The following CNOT8 variants were observed in gnomAD, a reference collection of about 807,000 sequenced individuals.
CNOT8 encodes CCR4-NOT transcription complex subunit 8.
A neutral mutation model predicts 34.6 loss-of-function variants in CNOT8; 18 were observed. The ratio of observed to expected loss-of-function variants is 0.52; its 90% CI spans 0.36 to 0.77. CNOT8 has a LOEUF of 0.77. Among genes scored for constraint, CNOT8 ranks in the 30% least tolerant of loss-of-function variants. The pLI, the probability that CNOT8 is intolerant of heterozygous loss-of-function variation, is 0.00. For missense variants in CNOT8, 189 were observed against 347.9 expected (o/e 0.54, Z 3.63); for synonymous variants, 101 against 118.8 (o/e 0.85, Z 0.98).
At chr5:154,870,259 G>GT (rs956854767) in intron 3 of CNOT8, among the ~76,000 whole-genome samples, 15 of 147,462 alleles carry the variant, frequency 1.0e-4, no homozygotes, top group South Asian at 4.3e-4. Context: ...TGTTTGTTTT[G>GT]TTTTTTTTGA....
At chr5:154,870,144 A>C (rs911411893) in intron 3 of CNOT8, among the ~76,000 whole-genome samples, 1 of 152,056 alleles carries the variant, frequency 6.6e-6, no homozygotes, top group Non-Finnish European at 1.5e-5. Context: ...CTTGGCCTCA[A>C]ACAATCCTCT....
chr5:154,872,503 G>T (rs1428128316), intron 5 of CNOT8, 38 bp from the exon 6 acceptor site: 4 of 1,396,132 alleles, frequency 2.9e-6, no homozygotes, highest in African/African-American at 2.9e-5. Context: ...GGGCATGTTG[G>T]GTTTGTAATA....
intron 2 of CNOT8, among the ~76,000 whole-genome samples, chr5:154,864,969 G>A (rs1214995241): frequency 6.6e-6 from 1 of 152,156 alleles, no homozygotes; most frequent in African/African-American, 2.4e-5. Context: ...TTGCACCTGT[G>A]AGGTTGAGGC....
intron 6 of CNOT8, among the ~76,000 whole-genome samples, chr5:154,873,404 CT>C (rs1397552290): frequency 6.6e-6 from 1 of 152,242 alleles, no homozygotes; most frequent in East Asian, 1.9e-4. Flanking sequence ...CAGTTATTTG[CT>C]TTTTTTCTGA....
Position 154,870,769 on chromosome 5 carries a change from T to G in CNOT8, c.420T>G (p.Leu140=). ...GIDTLHFAEL[L]MTSGVVLCDN... Reference sequence around the variant, plus strand: ...ACACACTGCACTTTGCAGAGCTGCTTATGACATCAGGAGTGGTTCTCTGTG... The same window carrying G: ...ACACACTGCACTTTGCAGAGCTGCTGATGACATCAGGAGTGGTTCTCTGTG... The change falls in exon 4 of 7, where the codon CTT becomes CTG. Residue 140 remains leucine (L), a synonymous_variant. Coordinates refer to ENST00000285896, the MANE Select transcript of CNOT8 (RefSeq NM_001301073.2). 1.2e-6 allele frequency: 2 copies of G among 1,614,168 alleles called. No individual in the cohort carries two copies. Among genetic ancestry groups the G allele is most frequent in the Non-Finnish European group, 1.7e-6 (2 of 1,180,016 alleles).
rs34726467 is a variant in CNOT8 at position 154,869,626 on chromosome 5, G to GT, written c.312-1018dup. On this transcript the variant is annotated intron_variant, in intron 3 of 6. Transcript: ENST00000285896. ...GTCCGGCTAATTTTTGTTTTTTTGT[G>GT]TTTTTTTTTTTTTTTTTGAGAGGGA... Among the ~76,000 whole-genome samples, 450 of 124,308 alleles carry GT rather than the reference G, an allele frequency of 3.6e-3. 12 individuals carry two copies. The East Asian group carries it at 0.036, about 10-fold the overall frequency. 81.6% of individuals were successfully genotyped at this position (124,308 alleles called of 152,430 possible).
chr5:154,876,568 C>T lies in CNOT8; in HGVS notation c.*1129C>T, dbSNP rs188664482. 7 of 152,558 alleles carry T rather than the reference C, an allele frequency of 4.6e-5. No individual in the cohort carries two copies. Among genetic ancestry groups the T allele is most frequent in the African/African-American group, 1.7e-4 (7 of 41,494 alleles). The allele number at this position is 152,558 out of a possible 1,614,324, so 9.5% of individuals were successfully genotyped here. On this transcript the variant is annotated 3_prime_UTR_variant, in exon 7 of 7. Transcript: ENST00000285896. ...CATATTGTATTTTTTTGAATGACTA[C>T]AGTATGGACAATTTCAAAAACCAAA...
intron 1 of CNOT8, among the ~76,000 whole-genome samples, chr5:154,861,677 C>G (rs982948407): frequency 5.3e-5 from 8 of 152,128 alleles, no homozygotes; most frequent in Non-Finnish European, 7.4e-5. Flanking sequence ...GAAGTAAGTG[C>G]CTTTATGATA....
intron 4 of CNOT8, 34 bp from the exon 5 acceptor site, chr5:154,871,696 G>A (rs752911422): frequency 6.2e-7 from 1 of 1,605,304 alleles, no homozygotes; most frequent in South Asian, 1.1e-5. Context: ...GATAACCACT[G>A]CTTTTTTAAC....
chr5:154,860,841 GA>G (rs1561674861), intron 1 of CNOT8, among the ~76,000 whole-genome samples: 2 of 152,142 alleles, frequency 1.3e-5, no homozygotes, highest in African/African-American at 4.8e-5. Context: ...ATATATGCCA[GA>G]TATGTATAAC....
intron 3 of CNOT8, 173 bp from the exon 4 acceptor site, chr5:154,870,488 A>G (rs1762389412): frequency 4.1e-6 from 2 of 490,150 alleles, no homozygotes; most frequent in Non-Finnish European, 7.1e-6. Flanking sequence ...TGTCACAGAA[A>G]TATGATCTAC....
At chr5:154,866,233 C>T (rs1455841325) in intron 3 of CNOT8, among the ~76,000 whole-genome samples, 1 of 152,136 alleles carries the variant, frequency 6.6e-6, no homozygotes, top group Admixed American at 6.5e-5. Context: ...GCTAACATGG[C>T]TTACTGCAGC....
At chr5:154,860,947 T>G (rs1397667464) in intron 1 of CNOT8, among the ~76,000 whole-genome samples, 1 of 152,188 alleles carries the variant, frequency 6.6e-6, no homozygotes, top group Non-Finnish European at 1.5e-5. Flanking sequence ...GCTTTTGCTT[T>G]TACGGAAACA....
In CNOT8 at chr5:154,876,484, TC is replaced by T. The variant is rs1457375479; in HGVS notation, c.*1048del. The T allele has an allele frequency of 1.3e-5, 2 of 152,324 alleles. No homozygotes were observed. Among genetic ancestry groups the T allele is most frequent in the Non-Finnish European group, 2.9e-5 (2 of 68,042 alleles). The allele number at this position is 152,324 out of a possible 1,614,324, so 9.4% of individuals were successfully genotyped here. On this transcript the variant is annotated 3_prime_UTR_variant, in exon 7 of 7. Coordinates refer to ENST00000285896, the MANE Select transcript of CNOT8 (RefSeq NM_001301073.2). ...GTTCTTGAGTTGTTTTGGAGTAATATCCCACAACTGGGGTAGGAAGCTCAGG... is the reference window on the plus strand; with the variant it reads ...GTTCTTGAGTTGTTTTGGAGTAATATCCACAACTGGGGTAGGAAGCTCAGG...
rs1050961311 is a variant in CNOT8, at chr5:154,858,639, G to T, written c.-202G>T. 2.0e-5 allele frequency: 3 copies of T among 152,206 alleles called. No individual in the cohort carries two copies. Among genetic ancestry groups the T allele is most frequent in the Non-Finnish European group, 4.4e-5 (3 of 68,062 alleles). 9.4% of individuals were successfully genotyped at this position (152,206 alleles called of 1,614,324 possible). ...ACCTCACTGGCTCGTTCGGTTCTAG[G>T]AGCAGATCCGGGGTAGAGGGAAAAG... On this transcript the variant is annotated 5_prime_UTR_variant, in exon 1 of 7. Transcript: ENST00000285896.
Position 154,875,480 on chromosome 5 carries a change from T to C in CNOT8, c.*41T>C, listed in dbSNP as rs760498045. The C allele has an allele frequency of 2.5e-6, 4 of 1,604,638 alleles. No individual in the cohort carries two copies. In the Admixed American group the frequency reaches 5.0e-5, roughly 20 times the overall value. On this transcript the variant is annotated 3_prime_UTR_variant, in exon 7 of 7. Transcript: ENST00000285896. ...CAGGGTGGGCCTGATCCCAGAGTGG[T>C]GCTTACTGTGCTGACTGTGTACTTA...
intron 3 of CNOT8, among the ~76,000 whole-genome samples, chr5:154,868,109 G>A (rs192945668): frequency 2.4e-4 from 37 of 151,664 alleles, no homozygotes; most frequent in African/African-American, 8.7e-4. Context: ...GATAATTTTT[G>A]TATTTTTCTA....
intron 6 of CNOT8, among the ~76,000 whole-genome samples, chr5:154,874,534 C>T (rs1762767974): frequency 6.6e-6 from 1 of 152,054 alleles, no homozygotes; most frequent in African/African-American, 2.4e-5. Context: ...GAAACCCTGT[C>T]TCTTTTTCTT....
intron 6 of CNOT8, among the ~76,000 whole-genome samples, chr5:154,874,208 G>T (rs563261113): frequency 2.0e-4 from 30 of 152,216 alleles, no homozygotes; most frequent in African/African-American, 7.2e-4. Flanking sequence ...GGCAGTAAAA[G>T]AATACATGGA....
Sources: allele counts gnomAD v4.1 joint callset (sites outside exome capture counted in the v4.1 genomes callset), GRCh38; gene constraint gnomAD v4.1.1; transcripts MANE v1.5; gene names NCBI Gene and HGNC (gene_info 2026-07-23, HGNC 2026-07-21).